The following PCID2 variants were observed in gnomAD, a reference collection of about 807,000 sequenced individuals.
PCID2 encodes PCI domain containing 2.
PCID2 carries 41 observed loss-of-function variants against 61.3 expected under a neutral mutation model. The observed-to-expected ratio is 0.67, with a 90% CI of 0.52 to 0.87. PCID2 has a LOEUF of 0.87. Ranked by LOEUF, PCID2 falls within the 40% of genes least tolerant of loss-of-function variation. The probability of loss-of-function intolerance (pLI) is 0.00; values close to 1 mark genes in which losing one functional copy is unlikely to be tolerated. For synonymous variants in PCID2, 187 were observed against 177.8 expected (o/e 1.05, Z -0.41); for missense variants, 392 against 493.4 (o/e 0.79, Z 1.95).
chr13:113,165,983 T>C, the PCID2 span: 2 of 152,322 alleles, frequency 1.3e-5, no homozygotes, highest in African/African-American at 4.8e-5. Context: ...TATTCTTTTC[T>C]TGCTTTCTGT....
At chr13:113,176,483 C>G, downstream of PCID2, among the ~76,000 whole-genome samples, 1 of 152,212 alleles carries the variant, frequency 6.6e-6, no homozygotes, top group Non-Finnish European at 1.5e-5. Flanking sequence ...GGAAGAGAGC[C>G]GGGTGTGGTG....
In PCID2 at chr13:113,183,443, GAGAC is replaced by G. The variant is rs1191351391; in HGVS notation, c.685+899_685+902del. On this transcript the variant is annotated intron_variant, in intron 9 of 13. Coordinates refer to ENST00000337344, the MANE Select transcript of PCID2 (RefSeq NM_001127202.4). The stretch of plus-strand genomic sequence containing the variant: ...TGCTTCATATTAAGAGAAAAAAAAA[GAGAC>G]AGATAAGAAAAGCCCTTCTTTAAAA... Among the ~76,000 whole-genome samples the G allele has an allele frequency of 2.6e-5, 4 of 151,860 alleles. No homozygotes were observed. The South Asian group carries it at 8.3e-4, about 32-fold the overall frequency.
downstream of PCID2, among the ~76,000 whole-genome samples, chr13:113,176,140 T>C (rs535508951): frequency 1.2e-3 from 185 of 152,310 alleles, no homozygotes; most frequent in African/African-American, 4.2e-3. Flanking sequence ...ACAAAGTGAG[T>C]CCTGCGCCGC....
Position 113,191,817 on chromosome 13 carries a change from G to C in PCID2, c.364-842C>G, listed in dbSNP as rs556966889. Among the ~76,000 whole-genome samples, 6 of 152,266 alleles carry C rather than the reference G, an allele frequency of 3.9e-5. No individual in the cohort carries two copies. The South Asian group carries it at 1.0e-3, about 26-fold the overall frequency. ...TTTTTACTGTATTAACGTTTGCACT[G>C]ATGGTGCAAAAACAGCAATAGGTAA... On this transcript the variant is annotated intron_variant, in intron 6 of 13. Coordinates refer to ENST00000337344, the MANE Select transcript of PCID2 (RefSeq NM_001127202.4).
At chr13:113,196,919 A>G in intron 4 of PCID2, 1 of 904,152 alleles carries the variant, frequency 1.1e-6, no homozygotes, top group Non-Finnish European at 1.8e-6. Context: ...AAGGCAACAA[A>G]GCATTCTTCT....
chr13:113,196,030 T>C, intron 5 of PCID2, 151 bp downstream of exon 5: 1 of 546,078 alleles, frequency 1.8e-6, no homozygotes. Flanking sequence ...GTGACTCCAC[T>C]CATCTGTGTA....
the PCID2 span, among the ~76,000 whole-genome samples, chr13:113,165,674 G>C: frequency 3.3e-5 from 5 of 152,158 alleles, no homozygotes; most frequent in Non-Finnish European, 7.3e-5. Context: ...GGGATTACAG[G>C]AATGTGCCAC....
chr13:113,208,146 G>T, intron 1 of PCID2: 1 of 1,602,628 alleles, frequency 6.2e-7, no homozygotes, highest in Non-Finnish European at 8.5e-7. Context: ...CCTGCAGCAC[G>T]GCCACAGCCT....
the PCID2 span, chr13:113,172,365 A>T: frequency 2.0e-6 from 1 of 505,694 alleles, no homozygotes; most frequent in East Asian, 3.7e-5. Flanking sequence ...ATAAAATAAG[A>T]TAATCTGTCA....
At chr13:113,184,085 AAC>A in intron 9 of PCID2, 1 of 890,008 alleles carries the variant, frequency 1.1e-6, no homozygotes, top group East Asian at 1.2e-4. Flanking sequence ...CTATTCTGAG[AAC>A]AGTCATGCTC....
chr13:113,190,809 T>A, intron 7 of PCID2, 63 bp downstream of exon 7: 1 of 887,252 alleles, frequency 1.1e-6, no homozygotes, highest in Non-Finnish European at 1.8e-6. Flanking sequence ...CCAGAAAGGG[T>A]GAACGCTGCA....
intron 1 of PCID2, chr13:113,207,914 C>T: frequency 1.1e-6 from 1 of 951,840 alleles, no homozygotes; most frequent in Non-Finnish European, 1.7e-6. Flanking sequence ...CCTATATTTC[C>T]TATCCCTGTT....
intron 7 of PCID2, among the ~76,000 whole-genome samples, chr13:113,189,844 G>A (rs1595199194): frequency 2.6e-5 from 4 of 152,106 alleles, no homozygotes; most frequent in African/African-American, 7.2e-5. Context: ...CCAACATGGT[G>A]AAACCCCATC....
chr13:113,208,164 A>G, intron 1 of PCID2: 1 of 1,591,518 alleles, frequency 6.3e-7, no homozygotes, highest in Non-Finnish European at 8.5e-7. Context: ...CCTCGCGCTT[A>G]CTCCTCCATC....
rs1474100978 is a variant in PCID2 at position 113,196,240 on chromosome 13, A to G, written c.267-18T>C. On this transcript the variant is annotated intron_variant, in intron 4 of 13. Coordinates refer to ENST00000337344, the MANE Select transcript of PCID2 (RefSeq NM_001127202.4). ...AGAATGATGTACTGTATTAAGGAAG[A>G]TATGGCATACAAAGTTCAAATAATG... 6.4e-6 allele frequency: 10 copies of G among 1,569,298 alleles called. No individual in the cohort carries two copies. The highest frequency in any genetic ancestry group is 8.7e-6 in the Non-Finnish European group (10 of 1,146,880).
At chr13:113,203,102 G>A (rs1444229557) in intron 1 of PCID2, among the ~76,000 whole-genome samples, 1 of 152,180 alleles carries the variant, frequency 6.6e-6, no homozygotes, top group African/African-American at 2.4e-5. Context: ...GTGTCGCCGG[G>A]ACCACAGTCG....
chr13:113,190,724 T>G, intron 7 of PCID2, 148 bp downstream of exon 7: 1 of 459,530 alleles, frequency 2.2e-6, no homozygotes, highest in Non-Finnish European at 3.8e-6. Context: ...AATCAACTTT[T>G]TAAAGCAAAA....
intron 13 of PCID2, among the ~76,000 whole-genome samples, chr13:113,178,674 A>T (rs1173868448): frequency 6.6e-6 from 1 of 152,190 alleles, no homozygotes; most frequent in Non-Finnish European, 1.5e-5. Context: ...TGCAAATACT[A>T]CGTCCTATCA....
chr13:113,187,432 C>T (rs2038214335), intron 7 of PCID2: 1 of 152,320 alleles, frequency 6.6e-6, no homozygotes, highest in South Asian at 2.1e-4. Context: ...GTTTTTGTTC[C>T]CCTGGCGATG....
Sources: allele counts gnomAD v4.1 joint callset (sites outside exome capture counted in the v4.1 genomes callset), GRCh38; gene constraint gnomAD v4.1.1; transcripts MANE v1.5; gene names NCBI Gene and HGNC (gene_info 2026-07-23, HGNC 2026-07-21).